The following ZNF578 variants were observed in gnomAD, a reference collection of about 807,000 sequenced individuals.
ZNF578 encodes the protein zinc finger protein 578.
Under a neutral mutation model 8.3 loss-of-function variants are expected in ZNF578, and 8 were observed. That is an observed-to-expected ratio of 0.96 (90% CI 0.56 to 1.74). The LOEUF (loss-of-function observed/expected upper bound fraction) is 1.74. Ranked by LOEUF, ZNF578 falls within the 40% of genes most tolerant of loss-of-function variation. ZNF578 has a pLI of 0.00. For synonymous variants in ZNF578, 206 were observed against 232.2 expected (o/e 0.89, Z 1.03); for missense variants, 726 against 707.5 (o/e 1.03, Z -0.30).
rs72019256 is a variant in ZNF578, at chr19:52,498,684, C to CTTTTTTTT, written c.-19-3133_-19-3126dup. On this transcript the variant is annotated intron_variant, in intron 3 of 5. Coordinates refer to ENST00000421239, the MANE Select transcript of ZNF578 (RefSeq NM_001099694.2). Reference sequence around the variant, plus strand: ...AGGAATGAGCCACCTCGCCTGGCCGCTTTTTTTTTTTTTTTTTGTAAGACA... The same window carrying CTTTTTTTT: ...AGGAATGAGCCACCTCGCCTGGCCGCTTTTTTTTTTTTTTTTTTTTTTTTTGTAAGACA... 7.4e-4 allele frequency among the ~76,000 whole-genome samples: 79 copies of CTTTTTTTT among 106,814 alleles called. 9 individuals carry two copies. Among genetic ancestry groups the CTTTTTTTT allele is most frequent in the African/African-American group, 2.4e-3 (60 of 24,594 alleles). 70.1% of individuals were successfully genotyped at this position (106,814 alleles called of 152,430 possible).
At chr19:52,475,733 C>A (rs1347029169) in intron 2 of ZNF578, among the ~76,000 whole-genome samples, 4 of 152,168 alleles carry the variant, frequency 2.6e-5, no homozygotes, top group Non-Finnish European at 5.9e-5. Flanking sequence ...CAGAGAACTA[C>A]TTTCTGAGGC....
chr19:52,510,290 G>A (rs1379444823), intron 5 of ZNF578, among the ~76,000 whole-genome samples: 2 of 151,886 alleles, frequency 1.3e-5, no homozygotes, highest in East Asian at 1.9e-4. Flanking sequence ...ATACACTGTA[G>A]GGTCACAGTG....
chr19:52,476,798 G>A (rs997648250), intron 2 of ZNF578, among the ~76,000 whole-genome samples: 8 of 152,190 alleles, frequency 5.3e-5, no homozygotes, highest in African/African-American at 1.7e-4. Context: ...GGCCATGGTA[G>A]GGGCCGGTCC....
chr19:52,459,865 C>T (rs1425375390), intron 2 of ZNF578, among the ~76,000 whole-genome samples: 37 of 139,224 alleles, frequency 2.7e-4, no homozygotes, highest in Admixed American at 2.6e-3. Flanking sequence ...ACCTCTGCCT[C>T]CTAGGTTCAA....
rs536247864 is a variant in ZNF578, at chr19:52,511,313, G to A, written c.932G>A (p.Gly311Asp). The change falls in exon 6 of 6, where the codon GGT becomes GAT. Residue 311 changes from glycine to aspartate, a missense_variant. Transcript: ENST00000421239. ...SLTCHRRCHT[G>D]EKPYKCNECG... ...ACATGCCATCGTAGATGTCACACTGGTGAGAAACCTTACAAGTGTAATGAA... is the reference window on the plus strand; with the variant it reads ...ACATGCCATCGTAGATGTCACACTGATGAGAAACCTTACAAGTGTAATGAA... The A allele has an allele frequency of 1.9e-5, 31 of 1,614,136 alleles. 2 individuals carry two copies. In the South Asian group the frequency reaches 3.3e-4, roughly 17 times the overall value.
chr19:52,478,313 T>C (rs1318381973), intron 2 of ZNF578, among the ~76,000 whole-genome samples: 1 of 152,034 alleles, frequency 6.6e-6, no homozygotes, highest in Non-Finnish European at 1.5e-5. Context: ...TCTAGTGGGG[T>C]GTGTTGATGA....
chr19:52,510,536 C>G, intron 5 of ZNF578, 36 bp from the exon 6 acceptor site: 12 of 1,492,058 alleles, frequency 8.0e-6, no homozygotes, highest in Non-Finnish European at 1.1e-5. Context: ...ACCATCTGCA[C>G]TTAATTGCAA....
Position 52,516,868 on chromosome 19 carries a change from C to T in ZNF578, c.*4714C>T, listed in dbSNP as rs947454325. Among the ~76,000 whole-genome samples the T allele has an allele frequency of 2.6e-5, 4 of 152,202 alleles. No homozygotes were observed. Among genetic ancestry groups the T allele is most frequent in the South Asian group, 4.1e-4 (2 of 4,834 alleles). Reference sequence around the variant, plus strand: ...TGCACCCAGGTGAAATAAACAGCCTCGTTGCTCACACAAAGCCTGTTTAGT... The same window carrying T: ...TGCACCCAGGTGAAATAAACAGCCTTGTTGCTCACACAAAGCCTGTTTAGT... On this transcript the variant is annotated 3_prime_UTR_variant, in exon 6 of 6. Coordinates refer to ENST00000421239, the MANE Select transcript of ZNF578 (RefSeq NM_001099694.2).
chr19:52,502,837 C>G (rs2059412388), intron 4 of ZNF578, among the ~76,000 whole-genome samples: 1 of 152,132 alleles, frequency 6.6e-6, no homozygotes, highest in African/African-American at 2.4e-5. Context: ...CTCCTGGGCT[C>G]AACTAATCCC....
In ZNF578 at chr19:52,499,689, G is replaced by GTTTTTTTTTTTTTTTTTTTTT. The variant is rs66824085; in HGVS notation, c.-19-2125_-19-2124insTTTTTTTTTTTTTTTTTTTTT. ...TGAGAAGATACATCACTTCCAAATC[G>GTTTTTTTTTTTTTTTTTTTTT]TTTTTTTTTTTTTGAGATGAATTTT... On this transcript the variant is annotated intron_variant, in intron 3 of 5. Coordinates refer to ENST00000421239, the MANE Select transcript of ZNF578 (RefSeq NM_001099694.2). Among the ~76,000 whole-genome samples the GTTTTTTTTTTTTTTTTTTTTT allele has an allele frequency of 5.8e-4, 82 of 141,556 alleles. 5 individuals carry two copies. Among genetic ancestry groups the GTTTTTTTTTTTTTTTTTTTTT allele is most frequent in the African/African-American group, 2.0e-3 (75 of 37,528 alleles). 92.9% of individuals were successfully genotyped at this position (141,556 alleles called of 152,430 possible). A position where few individuals can be genotyped will look rare whatever the true frequency, so the allele number is the denominator to read the frequency against.
rs1009761653 is a variant in ZNF578, at chr19:52,513,997, C to T, written c.*1843C>T. On this transcript the variant is annotated 3_prime_UTR_variant, in exon 6 of 6. Coordinates refer to ENST00000421239, the MANE Select transcript of ZNF578 (RefSeq NM_001099694.2). ...TCAAAACCGTGCCACTGTACTGCAG[C>T]GAGGTTGGCAGAGTGAGTCTCCATC... Among the ~76,000 whole-genome samples, 5 of 151,320 alleles carry T rather than the reference C, an allele frequency of 3.3e-5. No individual in the cohort carries two copies. The highest frequency in any genetic ancestry group is 1.5e-5 in the Non-Finnish European group (1 of 67,926).
At chr19:52,473,729 G>A (rs1387300846) in intron 2 of ZNF578, 5 of 265,614 alleles carry the variant, frequency 1.9e-5, no homozygotes, top group Non-Finnish European at 2.9e-5. Flanking sequence ...TTCCTTACAT[G>A]TATAAGGTTT....
rs767983794 is a variant in ZNF578, at chr19:52,511,195, C to G, written c.814C>G (p.Arg272Gly). The change falls in exon 6 of 6, where the codon CGA (arginine) becomes GGA (glycine). Residue 272 changes from arginine to glycine, a missense_variant. Coordinates refer to ENST00000421239, the MANE Select transcript of ZNF578 (RefSeq NM_001099694.2). ...ATGTGGCAAAGTCTTTAATGAGAAG[C>G]GATACCTTGCACGCCATCGTAGATG... is the stretch of plus-strand genomic sequence containing the variant. ...DICGKVFNEKRYLARHRRCHT... is the reference protein window; with the variant it reads ...DICGKVFNEKGYLARHRRCHT... 5.6e-6 allele frequency: 9 copies of G among 1,614,178 alleles called. No homozygotes were observed. Among genetic ancestry groups the G allele is most frequent in the Non-Finnish European group, 6.8e-6 (8 of 1,180,036 alleles).
chr19:52,469,387 C>A (rs975648960), intron 2 of ZNF578, among the ~76,000 whole-genome samples: 1 of 152,006 alleles, frequency 6.6e-6, no homozygotes, highest in East Asian at 1.9e-4. Context: ...CTCGAACTCC[C>A]GAGCTCAAGT....
Position 52,510,824 on chromosome 19 carries a change from G to A in ZNF578, c.443G>A (p.Gly148Glu). ...GACCGACATGATCAAAGGCATGCTGGAAACAAGCCTATTAAAGATCAGCTT... is the reference window on the plus strand; with the variant it reads ...GACCGACATGATCAAAGGCATGCTGAAAACAAGCCTATTAAAGATCAGCTT... ...STDRHDQRHA[G>E]NKPIKDQLGL... The change falls in exon 6 of 6, where the codon GGA becomes GAA. Residue 148 changes from glycine to glutamate, a missense_variant. Coordinates refer to ENST00000421239, the MANE Select transcript of ZNF578 (RefSeq NM_001099694.2). 1 of 1,614,156 alleles carries A rather than the reference G, an allele frequency of 6.2e-7. No homozygotes were observed. Among genetic ancestry groups the A allele is most frequent in the East Asian group, 2.2e-5 (1 of 44,866 alleles).
chr19:52,510,709 A>T lies in ZNF578; in HGVS notation c.328A>T (p.Ile110Phe). ...TTGCTTCCAGGAAATTGAAAAAGATATTCATGACTTTGAGTTTCAGTCACA... is the reference window on the plus strand; with the variant it reads ...TTGCTTCCAGGAAATTGAAAAAGATTTTCATGACTTTGAGTTTCAGTCACA... ...DFCFQEIEKD[I>F]HDFEFQSQKD... The change falls in exon 6 of 6, where the codon ATT becomes TTT. Residue 110 changes from isoleucine (I) to phenylalanine (F), a missense_variant. By Grantham distance (21) the Ile-to-Phe change is conservative. Transcript: ENST00000421239. 1 of 1,613,044 alleles carries T rather than the reference A, an allele frequency of 6.2e-7. No individual in the cohort carries two copies. Among genetic ancestry groups the T allele is most frequent in the Non-Finnish European group, 8.5e-7 (1 of 1,179,706 alleles).
At chr19:52,505,646 G>A (rs1373524735) in intron 5 of ZNF578, among the ~76,000 whole-genome samples, 2 of 151,530 alleles carry the variant, frequency 1.3e-5, no homozygotes, top group Admixed American at 6.6e-5. Flanking sequence ...AGATGCTCTC[G>A]ATCTCCTGAC....
Position 52,513,325 on chromosome 19 carries a change from TTTC to T in ZNF578, c.*1177_*1179del, listed in dbSNP as rs992135145. Among the ~76,000 whole-genome samples the T allele has an allele frequency of 1.0e-3, 144 of 139,546 alleles. No homozygotes were observed. The highest frequency in any genetic ancestry group is 4.0e-3 in the African/African-American group (136 of 33,694). 91.5% of individuals were successfully genotyped at this position (139,546 alleles called of 152,430 possible). ...GCATATGCCACCGCGCCTGGCATTG[TTTC>T]TTCTTTTCCTTTTTTTTTTTTTTTT... On this transcript the variant is annotated 3_prime_UTR_variant, in exon 6 of 6. Coordinates refer to ENST00000421239, the MANE Select transcript of ZNF578 (RefSeq NM_001099694.2).
At chr19:52,510,444 TC>T (rs2059440352) in intron 5 of ZNF578, 127 bp from the exon 6 acceptor site, 3 of 1,272,612 alleles carry the variant, frequency 2.4e-6, no homozygotes, top group Non-Finnish European at 3.1e-6. Flanking sequence ...ACTTTTGTGT[TC>T]GTAAACTTTG....
Sources: allele counts gnomAD v4.1 joint callset (sites outside exome capture counted in the v4.1 genomes callset), GRCh38; gene constraint gnomAD v4.1.1; transcripts MANE v1.5; gene names NCBI Gene and HGNC (gene_info 2026-07-23, HGNC 2026-07-21).